The following NAALADL2 variants were observed in gnomAD, a reference collection of about 807,000 sequenced individuals.
NAALADL2 encodes the protein N-acetylated alpha-linked acidic dipeptidase like 2.
In NAALADL2, 76 loss-of-function variants were observed where a neutral mutation model predicts 87.2. That is an observed-to-expected ratio of 0.87 (90% confidence interval 0.72 to 1.05). The LOEUF (loss-of-function observed/expected upper bound fraction) is 1.05, where lower values mean the gene tolerates loss of function less well. Among genes scored for constraint, NAALADL2 ranks in the 50% least tolerant of loss-of-function variants. The pLI, the probability that NAALADL2 is intolerant of heterozygous loss-of-function variation, is 0.00. For synonymous variants in NAALADL2, 354 were observed against 331.0 expected (o/e 1.07, Z -0.75); for missense variants, 1,089 against 945.8 (o/e 1.15, Z -1.99).
At chr3:175,352,356 G>C (rs1763868484) in intron 5 of NAALADL2, among the ~76,000 whole-genome samples, 1 of 152,062 alleles carries the variant, frequency 6.6e-6, no homozygotes, top group Admixed American at 6.6e-5. Context: ...ACAAAAAATG[G>C]AGTTGGACTC....
intron 13 of NAALADL2, among the ~76,000 whole-genome samples, chr3:175,763,175 CT>C (rs1243591218): frequency 6.6e-6 from 1 of 152,070 alleles, no homozygotes; most frequent in Non-Finnish European, 1.5e-5. Flanking sequence ...AAATGACAAA[CT>C]TTTTCCAGTA....
intron 1 of NAALADL2, among the ~76,000 whole-genome samples, chr3:175,072,426 A>G (rs1715814186): frequency 6.6e-6 from 1 of 152,050 alleles, no homozygotes; most frequent in South Asian, 2.1e-4. Flanking sequence ...TTGAATATGA[A>G]CATTTGAGGA....
intron 1 of NAALADL2, among the ~76,000 whole-genome samples, chr3:174,903,815 AAATT>A (rs1393958342): frequency 6.6e-6 from 1 of 151,840 alleles, no homozygotes; most frequent in African/African-American, 2.4e-5. Context: ...CTGATTAAGA[AAATT>A]AAAACTTTTT....
At chr3:175,008,649 G>T (rs1005312227) in intron 1 of NAALADL2, among the ~76,000 whole-genome samples, 3 of 152,090 alleles carry the variant, frequency 2.0e-5, no homozygotes, top group African/African-American at 7.2e-5. Context: ...TCTTGCAGTG[G>T]TGGTGGCTTT....
chr3:175,725,058 A>G (rs1742746310), intron 11 of NAALADL2, among the ~76,000 whole-genome samples: 1 of 152,090 alleles, frequency 6.6e-6, no homozygotes, highest in Non-Finnish European at 1.5e-5. Context: ...TAAATTCCTA[A>G]AGAGAAAACT....
intron 2 of NAALADL2, among the ~76,000 whole-genome samples, chr3:174,592,324 CAT>C (rs1414632164): frequency 4.6e-5 from 7 of 151,998 alleles, no homozygotes; most frequent in African/African-American, 7.2e-5. Context: ...TGTATCTAAA[CAT>C]GTGTATGTCT....
At chr3:174,487,491 A>G (rs1192146089) in intron 1 of NAALADL2, among the ~76,000 whole-genome samples, 1 of 152,052 alleles carries the variant, frequency 6.6e-6, no homozygotes, top group Non-Finnish European at 1.5e-5. Flanking sequence ...AACCTAGAAT[A>G]CTTTGATGTC....
At chr3:174,627,179 G>T (rs1287136574) in intron 2 of NAALADL2, among the ~76,000 whole-genome samples, 3 of 151,998 alleles carry the variant, frequency 2.0e-5, no homozygotes, top group Non-Finnish European at 4.4e-5. Flanking sequence ...ATGGAGCAGT[G>T]AATAAATTAT....
intron 2 of NAALADL2, among the ~76,000 whole-genome samples, chr3:174,559,819 A>G (rs1713360038): frequency 1.3e-5 from 2 of 152,144 alleles, no homozygotes; most frequent in Non-Finnish European, 2.9e-5. Flanking sequence ...CTACCTACTA[A>G]TACTGTCACA....
At chr3:175,720,493 T>A (rs1742086119) in intron 11 of NAALADL2, among the ~76,000 whole-genome samples, 1 of 152,050 alleles carries the variant, frequency 6.6e-6, no homozygotes, top group African/African-American at 2.4e-5. Flanking sequence ...AGTCATATCT[T>A]TTGACCTTCT....
intron 2 of NAALADL2, among the ~76,000 whole-genome samples, chr3:174,625,824 A>G (rs1315157344): frequency 1.3e-5 from 2 of 152,024 alleles, no homozygotes; most frequent in Non-Finnish European, 1.5e-5. Flanking sequence ...TTTAATTGCA[A>G]TTGGGGTTTA....
At chr3:174,496,491 G>A (rs1347957854) in intron 1 of NAALADL2, among the ~76,000 whole-genome samples, 1 of 127,444 alleles carries the variant, frequency 7.8e-6, no homozygotes, top group African/African-American at 3.0e-5. Flanking sequence ...GTGTCTATAT[G>A]TATGTATATA....
intron 3 of NAALADL2, among the ~76,000 whole-genome samples, chr3:174,793,140 A>G (rs1717663191): frequency 6.6e-6 from 1 of 152,150 alleles, no homozygotes; most frequent in East Asian, 1.9e-4. Flanking sequence ...ATTTAAAGAA[A>G]CAATATTTCA....
intron 2 of NAALADL2, among the ~76,000 whole-genome samples, chr3:175,104,039 T>C (rs1008234054): frequency 1.3e-5 from 2 of 152,174 alleles, no homozygotes; most frequent in African/African-American, 4.8e-5. Flanking sequence ...AACTCAGACA[T>C]TAGGTTTGTT....
intron 5 of NAALADL2, among the ~76,000 whole-genome samples, chr3:175,410,305 A>G: frequency 6.6e-6 from 1 of 152,328 alleles, no homozygotes; most frequent in Admixed American, 6.5e-5. Context: ...CTATTTTAAT[A>G]GAAACATTTC....
chr3:175,075,288 T>C (rs1442690505), intron 1 of NAALADL2, among the ~76,000 whole-genome samples: 2 of 152,166 alleles, frequency 1.3e-5, no homozygotes, highest in Non-Finnish European at 2.9e-5. Context: ...AATTTTTATG[T>C]TATACTTATT....
chr3:175,007,229 A>G (rs950107329), intron 1 of NAALADL2, among the ~76,000 whole-genome samples: 3 of 151,942 alleles, frequency 2.0e-5, no homozygotes, highest in Admixed American at 6.6e-5. Context: ...TAGTGCTAGT[A>G]AATTTTGGGT....
At chr3:174,988,308 A>G (rs1746253376) in intron 1 of NAALADL2, among the ~76,000 whole-genome samples, 2 of 152,204 alleles carry the variant, frequency 1.3e-5, no homozygotes, top group Non-Finnish European at 2.9e-5. Flanking sequence ...CTTCATATAC[A>G]GTAGAAGCAG....
chr3:175,786,514 C>A (rs1751985206), intron 13 of NAALADL2, among the ~76,000 whole-genome samples: 1 of 152,136 alleles, frequency 6.6e-6, no homozygotes, highest in African/African-American at 2.4e-5. Flanking sequence ...CTTCTGCATT[C>A]TTCACGTAGT....
Sources: gnomAD v4.1 joint callset for allele counts (sites outside exome capture counted in the v4.1 genomes callset) on GRCh38, gnomAD v4.1.1 for gene constraint, MANE v1.5 for transcripts, NCBI Gene and HGNC (gene_info 2026-07-23, HGNC 2026-07-21) for gene names.